Variants in GABRB2 observed in about 807,000 individuals in gnomAD.
GABRB2 encodes the protein gamma-aminobutyric acid receptor subunit beta-2.
Under a neutral mutation model 54.7 loss-of-function variants are expected in GABRB2, and 16 were observed. The ratio of observed to expected loss-of-function variants is 0.29; its 90% CI spans 0.20 to 0.44. The LOEUF (loss-of-function observed/expected upper bound fraction) is 0.44, where lower values mean the gene tolerates loss of function less well. Ranked by LOEUF, GABRB2 falls within the 20% of genes least tolerant of loss-of-function variation. The pLI, the probability that GABRB2 is intolerant of heterozygous loss-of-function variation, is 1.00. For missense variants in GABRB2, 355 were observed against 644.0 expected (o/e 0.55, Z 4.86); for synonymous variants, 244 against 233.8 (o/e 1.04, Z -0.40).
At chr5:161,517,980 T>C (rs987557797) in intron 3 of GABRB2, among the ~76,000 whole-genome samples, 13 of 152,060 alleles carry the variant, frequency 8.5e-5, no homozygotes. Context: ...GGCTAATTTT[T>C]TGTATTTTTA....
intron 9 of GABRB2, 35 bp from the exon 10 acceptor site, chr5:161,294,463 C>G: frequency 3.8e-6 from 6 of 1,578,228 alleles, no homozygotes; most frequent in Non-Finnish European, 5.2e-6. Context: ...ACAATCAGAA[C>G]AATGAAGCTT....
At chr5:161,441,259 T>C (rs1237899335) in intron 4 of GABRB2, among the ~76,000 whole-genome samples, 1 of 152,084 alleles carries the variant, frequency 6.6e-6, no homozygotes, top group African/African-American at 2.4e-5. Context: ...CTCAAACAAC[T>C]CTTTAGGAAA....
Position 161,500,993 on chromosome 5 carries a change from C to T in GABRB2, c.238-41149G>A, listed in dbSNP as rs112862061. On this transcript the variant is annotated intron_variant, in intron 3 of 9. Coordinates refer to ENST00000393959, the MANE Select transcript of GABRB2 (RefSeq NM_001371727.1). ...ATGCTATCCCTCCCCCCTCCTCCCACCCCACAACAGTCCCCAGAGTGTGAT... is the reference window on the plus strand; with the variant it reads ...ATGCTATCCCTCCCCCCTCCTCCCATCCCACAACAGTCCCCAGAGTGTGAT... Among the ~76,000 whole-genome samples the T allele has an allele frequency of 4.6e-4, 70 of 152,020 alleles. 2 individuals carry two copies. Among genetic ancestry groups the T allele is most frequent in the African/African-American group, 1.7e-3 (69 of 41,470 alleles).
intron 3 of GABRB2, among the ~76,000 whole-genome samples, chr5:161,499,788 T>C (rs1291236469): frequency 6.6e-6 from 1 of 152,160 alleles, no homozygotes; most frequent in Non-Finnish European, 1.5e-5. Context: ...AAGGCAGTGG[T>C]GGCAGGGGGC....
intron 4 of GABRB2, among the ~76,000 whole-genome samples, chr5:161,430,184 T>C (rs1757136440): frequency 6.6e-6 from 1 of 152,020 alleles, no homozygotes. Context: ...CAATGGCAAC[T>C]CTACCCAACA....
At chr5:161,414,213 T>A (rs563442341) in intron 4 of GABRB2, among the ~76,000 whole-genome samples, 1 of 152,250 alleles carries the variant, frequency 6.6e-6, no homozygotes, top group African/African-American at 2.4e-5. Context: ...GGAGTCCTGA[T>A]CATATGGTCG....
chr5:161,338,371 T>C (rs1054717098), intron 5 of GABRB2, among the ~76,000 whole-genome samples: 2 of 152,156 alleles, frequency 1.3e-5, no homozygotes, highest in Non-Finnish European at 2.9e-5. Flanking sequence ...CACCACAAAC[T>C]ATATTGAAAT....
chr5:161,305,739 A>G (rs889578230), intron 9 of GABRB2, among the ~76,000 whole-genome samples: 3 of 152,218 alleles, frequency 2.0e-5, no homozygotes, highest in African/African-American at 7.2e-5. Flanking sequence ...ATAACACCAC[A>G]GAGGACATTT....
rs78517795 is a variant in GABRB2 at position 161,381,470 on chromosome 5, G to T, written c.541+29505C>A. On this transcript the variant is annotated intron_variant, in intron 5 of 9. Coordinates refer to ENST00000393959, the MANE Select transcript of GABRB2 (RefSeq NM_001371727.1). The stretch of plus-strand genomic sequence containing the variant: ...GAAAGACTCAGGGTGGGGAATTAAG[G>T]GTGAAAAGAGAGTCTGCAGGTGATT... 1.3e-3 allele frequency among the ~76,000 whole-genome samples: 197 copies of T among 152,182 alleles called. 5 individuals carry two copies. In the East Asian group the frequency reaches 0.036, roughly 28 times the overall value.
chr5:161,473,772 G>T (rs150998990), intron 3 of GABRB2, among the ~76,000 whole-genome samples: 73 of 151,966 alleles, frequency 4.8e-4, no homozygotes, highest in African/African-American at 1.5e-3. Flanking sequence ...CCATGTTAAA[G>T]GTGCTAAGTG....
At chr5:161,480,584 G>A (rs1423433389) in intron 3 of GABRB2, among the ~76,000 whole-genome samples, 1 of 151,950 alleles carries the variant, frequency 6.6e-6, no homozygotes, top group Non-Finnish European at 1.5e-5. Context: ...GTTTGGCATT[G>A]GTGGTAATTA....
intron 9 of GABRB2, among the ~76,000 whole-genome samples, chr5:161,295,278 CT>C (rs974117989): frequency 6.6e-6 from 1 of 152,152 alleles, no homozygotes; most frequent in African/African-American, 2.4e-5. Flanking sequence ...AATCACCTCT[CT>C]TGGATAATTT....
rs1756420540 is a variant in GABRB2 at position 161,408,757 on chromosome 5, A to G, written c.541+2218T>C. Among the ~76,000 whole-genome samples the G allele has an allele frequency of 2.6e-5, 4 of 152,118 alleles. No individual in the cohort carries two copies. The South Asian group carries it at 8.3e-4, about 32-fold the overall frequency. On this transcript the variant is annotated intron_variant, in intron 5 of 9. Coordinates refer to ENST00000393959, the MANE Select transcript of GABRB2 (RefSeq NM_001371727.1). ...AGGAAGGAGAAGGACAGAGAGAAGG[A>G]TAAAGAGAGAGATGAGGGGAGAGCT...
chr5:161,514,525 A>C (rs1759875409), intron 3 of GABRB2, among the ~76,000 whole-genome samples: 1 of 152,248 alleles, frequency 6.6e-6, no homozygotes, highest in African/African-American at 2.4e-5. Context: ...TTGTTGAATA[A>C]ATAAAATGAA....
intron 3 of GABRB2, among the ~76,000 whole-genome samples, chr5:161,506,232 C>G (rs749659424): frequency 6.6e-6 from 1 of 151,942 alleles, no homozygotes; most frequent in African/African-American, 2.4e-5. Flanking sequence ...AACCTCTATA[C>G]AAACATTTAG....
At chr5:161,429,455 G>C (rs149760424) in intron 4 of GABRB2, among the ~76,000 whole-genome samples, 332 of 151,960 alleles carry the variant, frequency 2.2e-3, no homozygotes, top group Non-Finnish European at 2.9e-3. Flanking sequence ...CAAGTTAGGT[G>C]ATGAAAGATA....
At chr5:161,540,523 CATGAATCATGA>C (rs1428391812) in intron 3 of GABRB2, among the ~76,000 whole-genome samples, 2 of 152,188 alleles carry the variant, frequency 1.3e-5, no homozygotes, top group Non-Finnish European at 2.9e-5. Flanking sequence ...AACCTCCTCT[CATGAATCATGA>C]ATGTTCTTAA....
intron 3 of GABRB2, among the ~76,000 whole-genome samples, chr5:161,480,943 C>T (rs1758744661): frequency 6.6e-6 from 1 of 151,952 alleles, no homozygotes; most frequent in Non-Finnish European, 1.5e-5. Context: ...GATAAAGGGT[C>T]ATAGATTTGG....
chr5:161,511,109 G>A (rs959479607), intron 3 of GABRB2, among the ~76,000 whole-genome samples: 3 of 151,886 alleles, frequency 2.0e-5, no homozygotes, highest in Admixed American at 6.6e-5. Context: ...CATCACAAAT[G>A]TACTAAATGC....
Sources: allele counts gnomAD v4.1 joint callset (sites outside exome capture counted in the v4.1 genomes callset), GRCh38; gene constraint gnomAD v4.1.1; transcripts MANE v1.5; gene names NCBI Gene and HGNC (gene_info 2026-07-23, HGNC 2026-07-21).